Variants in UNC80 observed in about 807,000 individuals in gnomAD.
The protein encoded by UNC80 is protein unc-80 homolog.
A neutral mutation model predicts 384.6 loss-of-function variants in UNC80; 164 were observed. The observed-to-expected ratio is 0.43, with a 90% CI of 0.38 to 0.49. UNC80 has a LOEUF of 0.49. UNC80 is among the 20% of genes least tolerant of loss of function. UNC80 has a pLI of 0.00. For missense variants in UNC80, 3,330 were observed against 4,143.0 expected (o/e 0.80, Z 5.39); for synonymous variants, 1,486 against 1,527.8 (o/e 0.97, Z 0.64).
chr2:209,854,589 A>G (rs1000242903), intron 22 of UNC80, among the ~76,000 whole-genome samples: 1 of 152,194 alleles, frequency 6.6e-6, no homozygotes, highest in Non-Finnish European at 1.5e-5. Flanking sequence ...TCTACAAGGA[A>G]CTTAAACAAA....
chr2:209,987,773 T>A (rs1383055931), intron 61 of UNC80, among the ~76,000 whole-genome samples: 1 of 151,802 alleles, frequency 6.6e-6, no homozygotes, highest in Admixed American at 6.6e-5. Context: ...ATAGTCTAGG[T>A]GAAAAGAAAG....
chr2:209,912,529 A>T (rs1304116919), intron 29 of UNC80, 31 bp from the exon 30 acceptor site: 1 of 1,454,272 alleles, frequency 6.9e-7, no homozygotes, highest in Admixed American at 2.2e-5. Flanking sequence ...AAAACACATC[A>T]CTCTTCATTA....
intron 51 of UNC80, chr2:209,961,096 GGAGA>G (rs376968347): frequency 5.3e-5 from 8 of 150,296 alleles, no homozygotes; most frequent in East Asian, 2.0e-4. Flanking sequence ...TGAGAGAGAG[GGAGA>G]GAGAGAGAGA....
At chr2:209,990,097 C>G (rs2093364831) in intron 61 of UNC80, among the ~76,000 whole-genome samples, 1 of 152,112 alleles carries the variant, frequency 6.6e-6, no homozygotes, top group Non-Finnish European at 1.5e-5. Flanking sequence ...CCTCTCTATC[C>G]ATAGAGAAAA....
At chr2:209,993,921 A>C in intron 63 of UNC80, 144 bp from the exon 64 acceptor site, 1 of 703,400 alleles carries the variant, frequency 1.4e-6, no homozygotes, top group Non-Finnish European at 2.3e-6. Flanking sequence ...CAAAATGTTC[A>C]AACGTGCTCT....
rs117965454 is a variant in UNC80 at position 209,792,307 on chromosome 2, A to G, written c.799-1413A>G. On this transcript the variant is annotated intron_variant, in intron 6 of 64. Coordinates refer to ENST00000673920, the MANE Select transcript of UNC80 (RefSeq NM_001371986.1). ...TAAGCGAGACCCTGTCTTAAAAGAA[A>G]GAAGAAAAAAGTAAACATCTTAATA... 9.8e-5 allele frequency among the ~76,000 whole-genome samples: 15 copies of G among 152,312 alleles called. No homozygotes were observed. In the East Asian group the frequency reaches 2.9e-3, roughly 29 times the overall value.
At chr2:209,885,196 T>A (rs940496732) in intron 25 of UNC80, among the ~76,000 whole-genome samples, 2 of 152,054 alleles carry the variant, frequency 1.3e-5, no homozygotes, top group African/African-American at 4.8e-5. Flanking sequence ...GAATAAAGTA[T>A]GAGCAAGGTG....
intron 22 of UNC80, among the ~76,000 whole-genome samples, chr2:209,870,254 G>A (rs551058179): frequency 1.6e-4 from 25 of 152,226 alleles, no homozygotes; most frequent in Non-Finnish European, 3.2e-4. Context: ...GTCATATTGT[G>A]ACAGGCTAAG....
intron 61 of UNC80, among the ~76,000 whole-genome samples, chr2:209,991,946 T>G (rs1457661462): frequency 1.3e-5 from 2 of 152,144 alleles, no homozygotes; most frequent in African/African-American, 4.8e-5. Flanking sequence ...CATCAGTGAT[T>G]GAAAACAGAA....
Position 209,878,013 on chromosome 2 carries a change from G to C in UNC80, c.3900G>C (p.Leu1300=), listed in dbSNP as rs1365089103. ...GGGAAAGTGAGAGCCCAGCCAACCT[G>C]CTGGGTCTCATTTACGATGAAGAGA... ...CHGESESPAN[L]LGLIYDEETK... is the part of the protein sequence containing the mutation. The change falls in exon 24 of 65, where the codon CTG becomes CTC. Residue 1300 remains leucine, a synonymous_variant. Coordinates refer to ENST00000673920, the MANE Select transcript of UNC80 (RefSeq NM_001371986.1). 1.9e-6 allele frequency: 3 copies of C among 1,546,404 alleles called. No individual in the cohort carries two copies. The African/African-American group carries it at 4.1e-5, about 21-fold the overall frequency.
At position 209,982,204 on chromosome 2, in the gene UNC80, G is replaced by T. The variant is rs367569387; in HGVS notation, c.9144G>T (p.Val3048=). The T allele has an allele frequency of 1.6e-5, 25 of 1,551,456 alleles. No homozygotes were observed. Among genetic ancestry groups the T allele is most frequent in the Non-Finnish European group, 2.0e-5 (23 of 1,146,934 alleles). ...EENDSISMPS[V]VSEQEAYLLS... ...ATGACTCTATAAGCATGCCCAGCGT[G>T]GTAAGTGAACAAGAAGCTTACCTCC... is the stretch of plus-strand genomic sequence containing the variant. Residue 3048 remains valine, a synonymous_variant, in exon 60 of 65, where the codon GTG becomes GTT. Transcript: ENST00000673920.
chr2:209,919,036 A>T (rs971873076), intron 33 of UNC80, among the ~76,000 whole-genome samples: 8 of 152,150 alleles, frequency 5.3e-5, no homozygotes, highest in Non-Finnish European at 1.5e-5. Context: ...GAAAAAGAAG[A>T]GAGTTGGCAG....
chr2:209,989,048 C>T (rs915186367), intron 61 of UNC80, among the ~76,000 whole-genome samples: 1 of 151,860 alleles, frequency 6.6e-6, no homozygotes, highest in African/African-American at 2.4e-5. Flanking sequence ...CACCGTGGCT[C>T]ATGCCTGTAA....
rs1196666248 is a variant in UNC80 at position 209,825,954 on chromosome 2, C to T, written c.2379C>T (p.Leu793=). 4 of 1,550,776 alleles carry T rather than the reference C, an allele frequency of 2.6e-6. No individual in the cohort carries two copies. The highest frequency in any genetic ancestry group is 2.4e-5 in the South Asian group (2 of 83,932). ...ACCATAGGCTTGCTCTAACAATGCT[C>T]ATCAAAATAGTGAAGTCTTTGGGAT... ...VSNHRLALTM[L]IKIVKSLGCA... is the part of the protein sequence containing the mutation. The change falls in exon 14 of 65, where the codon CTC becomes CTT. Residue 793 remains leucine, a synonymous_variant. Transcript: ENST00000673920.
chr2:209,930,436 A>C (rs574832394), intron 37 of UNC80, among the ~76,000 whole-genome samples: 1 of 152,186 alleles, frequency 6.6e-6, no homozygotes, highest in South Asian at 2.1e-4. Context: ...GTTCATTTCT[A>C]TGCTATAGTC....
intron 48 of UNC80, among the ~76,000 whole-genome samples, chr2:209,956,094 T>C (rs2124997602): frequency 6.6e-6 from 1 of 152,158 alleles, no homozygotes; most frequent in East Asian, 1.9e-4. Flanking sequence ...TTCTATACCT[T>C]TTTATAAGGA....
At chr2:209,962,795 A>G (rs2092634102) in intron 51 of UNC80, among the ~76,000 whole-genome samples, 1 of 152,234 alleles carries the variant, frequency 6.6e-6, no homozygotes, top group Non-Finnish European at 1.5e-5. Flanking sequence ...TATACTAAGC[A>G]AAGGATGTAA....
At chr2:209,885,137 C>G (rs2124902702) in intron 25 of UNC80, among the ~76,000 whole-genome samples, 1 of 150,200 alleles carries the variant, frequency 6.7e-6, no homozygotes, top group Admixed American at 6.6e-5. Flanking sequence ...AAATCAGAAG[C>G]AAAATACAAT....
At chr2:209,944,948 T>A in intron 45 of UNC80, 103 bp from the exon 46 acceptor site, 1 of 1,308,024 alleles carries the variant, frequency 7.6e-7, no homozygotes, top group East Asian at 2.5e-5. Context: ...AGGTAGATGT[T>A]GTACTTGTTA....
Sources: allele counts gnomAD v4.1 joint callset (sites outside exome capture counted in the v4.1 genomes callset), GRCh38; gene constraint gnomAD v4.1.1; transcripts MANE v1.5; gene names NCBI Gene and HGNC (gene_info 2026-07-23, HGNC 2026-07-21).